The following TMPRSS6 variants were observed in gnomAD, a reference collection of about 807,000 sequenced individuals.
TMPRSS6 encodes transmembrane protease serine 6.
A neutral mutation model predicts 101.5 loss-of-function variants in TMPRSS6; 67 were observed. That is an observed-to-expected ratio of 0.66 (90% CI 0.54 to 0.81). TMPRSS6 has a LOEUF of 0.81. Among genes scored for constraint, TMPRSS6 ranks in the 30% least tolerant of loss-of-function variants. TMPRSS6 has a pLI of 0.00. For missense variants in TMPRSS6, 1,034 were observed against 1,088.7 expected (o/e 0.95, Z 0.71); for synonymous variants, 453 against 464.9 (o/e 0.97, Z 0.33).
rs755283441 is a variant in TMPRSS6, at chr22:37,075,174, C to T, written c.1303G>A (p.Gly435Ser). ...FTSQISLTGPGVRVHYGLYNQ... is the reference protein window; with the variant it reads ...FTSQISLTGPSVRVHYGLYNQ... ...TACAAGCCATAGTGCACCCGCACACCGGGCCCGGTGAGGGAGATCTGGGAG... is the reference window on the plus strand; with the variant it reads ...TACAAGCCATAGTGCACCCGCACACTGGGCCCGGTGAGGGAGATCTGGGAG... Residue 435 changes from glycine (G) to serine (S), a missense_variant, in exon 11 of 18, where the codon GGT (glycine) becomes AGT (serine). Gly to Ser is a moderately conservative substitution (Grantham distance 56, BLOSUM62 0). Transcript: ENST00000676104. The T allele has an allele frequency of 3.7e-6, 6 of 1,614,026 alleles. No homozygotes were observed. The highest frequency in any genetic ancestry group is 4.2e-6 in the Non-Finnish European group (5 of 1,180,038).
At position 37,065,931 on chromosome 22, in the gene TMPRSS6, A is replaced by C. The variant is rs1277903347; in HGVS notation, c.*149T>G. 5 of 1,003,314 alleles carry C rather than the reference A, an allele frequency of 5.0e-6. No individual in the cohort carries two copies. Among genetic ancestry groups the C allele is most frequent in the African/African-American group, 1.6e-5 (1 of 63,022 alleles). The allele number at this position is 1,003,314 out of a possible 1,614,324, so 62.2% of individuals were successfully genotyped here. On this transcript the variant is annotated 3_prime_UTR_variant, in exon 18 of 18. Transcript: ENST00000676104. ...TCCTCCTGCCATCACTGGAGCAGAC[A>C]TCAGGGACGAGACAAGATGCCACCT...
At chr22:37,071,981 G>C (rs1384472281) in intron 13 of TMPRSS6, among the ~76,000 whole-genome samples, 15 of 150,968 alleles carry the variant, frequency 9.9e-5, no homozygotes, top group African/African-American at 3.7e-4. Context: ...TGGATGGATG[G>C]ATGGATGGAT....
chr22:37,074,835 G>T, intron 11 of TMPRSS6, 127 bp from the exon 12 acceptor site: 1 of 997,756 alleles, frequency 1.0e-6, no homozygotes. Context: ...CCACAGACGT[G>T]GTCCTGGGCA....
At chr22:37,090,092 G>C (rs536773290) in intron 6 of TMPRSS6, among the ~76,000 whole-genome samples, 7 of 152,382 alleles carry the variant, frequency 4.6e-5, no homozygotes, top group Middle Eastern at 3.4e-3. Context: ...GACAGACACA[G>C]AACAGGCAAG....
At position 37,084,849 on chromosome 22, in the gene TMPRSS6, G is replaced by A. The variant is rs1044098683; in HGVS notation, c.974-10C>T. 1 of 1,550,118 alleles carries A rather than the reference G, an allele frequency of 6.5e-7. No homozygotes were observed. The highest frequency in any genetic ancestry group is 2.4e-5 in the East Asian group (1 of 40,988). On this transcript the variant is annotated splice_polypyrimidine_tract_variant and intron_variant, in intron 8 of 17. Transcript: ENST00000676104. ...AGGTTCACTTCACAGGCTGGACCAG[G>A]AGAGCAGCTGTTACACAGGGGTCCC... is the stretch of plus-strand genomic sequence containing the variant.
At chr22:37,100,023 A>C (rs1426314783) in intron 2 of TMPRSS6, among the ~76,000 whole-genome samples, 1 of 151,856 alleles carries the variant, frequency 6.6e-6, no homozygotes. Flanking sequence ...CTTGGAGTGC[A>C]ATGGCTCAAT....
At position 37,095,843 on chromosome 22, in the gene TMPRSS6, C is replaced by T. The variant is rs151135793; in HGVS notation, c.589+63G>A. 4.1e-4 allele frequency: 654 copies of T among 1,602,290 alleles called. 4 individuals are homozygous for T. The East Asian group carries it at 0.013, about 32-fold the overall frequency. ...CCTGGCAGGCAGCCTCCCCGGGCCA[C>T]ACCACAGCTTGTTTCCCCCAACCTC... is the stretch of plus-strand genomic sequence containing the variant. On this transcript the variant is annotated intron_variant, in intron 5 of 17. Transcript: ENST00000676104.
In TMPRSS6 at chr22:37,089,799, G is replaced by C. The variant is rs1483104526; in HGVS notation, c.632-17C>G. ...GGTAACAACCTGGAGCGGGGAGAGG[G>C]GCACAGCCCCTGATTCCTGTGAGCC... is the stretch of plus-strand genomic sequence containing the variant. On this transcript the variant is annotated splice_polypyrimidine_tract_variant and intron_variant, in intron 6 of 17. Transcript: ENST00000676104. The C allele has an allele frequency of 1.2e-6, 2 of 1,607,780 alleles. No homozygotes were observed. The highest frequency in any genetic ancestry group is 1.7e-5 in the Admixed American group (1 of 59,438).
chr22:37,096,300 C>T (rs1352779665), intron 4 of TMPRSS6, among the ~76,000 whole-genome samples: 1 of 152,230 alleles, frequency 6.6e-6, no homozygotes, highest in Admixed American at 6.5e-5. Flanking sequence ...GAACTTGTGT[C>T]TCATAAACTA....
At chr22:37,082,811 T>G in intron 10 of TMPRSS6, 1 of 368,874 alleles carries the variant, frequency 2.7e-6, no homozygotes, top group South Asian at 2.1e-5. Context: ...TCACTCCCCA[T>G]GTTACCCCCA....
intron 1 of TMPRSS6, among the ~76,000 whole-genome samples, chr22:37,105,644 G>C (rs192035153): frequency 6.6e-6 from 1 of 152,096 alleles, no homozygotes; most frequent in African/African-American, 2.4e-5. Context: ...CCCTCCCTCT[G>C]CCAGAGGAGG....
At chr22:37,073,769 CTTTATT>C (rs1927364478) in intron 12 of TMPRSS6, 124 bp from the exon 13 acceptor site, 2 of 745,736 alleles carry the variant, frequency 2.7e-6, no homozygotes, top group Admixed American at 1.9e-5. Context: ...TTCTCTGCTA[CTTTATT>C]TTTATGTCTC....
Position 37,086,296 on chromosome 22 carries a change from C to T in TMPRSS6, c.960G>A (p.Pro320=), listed in dbSNP as rs2543517. ...YYDPFVLSVQ[P]VVFQACEVNL... ...CTGACCTCTCACCCTGGAAGACCAC[C>T]GGCTGCACGGAGAGCACGAAGGGGT... The change falls in exon 8 of 18, where the codon CCG becomes CCA. Residue 320 remains proline (P), a synonymous_variant. Transcript: ENST00000676104. 263 of 1,614,134 alleles carry T rather than the reference C, an allele frequency of 1.6e-4. 2 individuals carry two copies. The African/African-American group carries it at 2.5e-3, about 16-fold the overall frequency.
At chr22:37,096,891 A>C (rs1420313038) in intron 3 of TMPRSS6, among the ~76,000 whole-genome samples, 176 bp from the exon 4 acceptor site, 1 of 152,072 alleles carries the variant, frequency 6.6e-6, no homozygotes, top group Non-Finnish European at 1.5e-5. Flanking sequence ...GGCATGCATG[A>C]ATCTCACACC....
chr22:37,107,618 C>G (rs4821588), intron 1 of TMPRSS6, among the ~76,000 whole-genome samples: 7 of 152,102 alleles, frequency 4.6e-5, no homozygotes, highest in Admixed American at 4.6e-4. Context: ...TCACCATGTG[C>G]CCTGCCCACA....
chr22:37,093,583 A>G (rs1173746860), intron 6 of TMPRSS6, among the ~76,000 whole-genome samples: 1 of 149,276 alleles, frequency 6.7e-6, no homozygotes, highest in Non-Finnish European at 1.5e-5. Context: ...TTATATTTTT[A>G]GAAGAGACGG....
intron 10 of TMPRSS6, 104 bp from the exon 11 acceptor site, chr22:37,075,384 C>A: frequency 6.7e-7 from 1 of 1,486,966 alleles, no homozygotes; most frequent in Non-Finnish European, 9.2e-7. Flanking sequence ...GGGAGCTGCA[C>A]GCCCGCTGTG....
chr22:37,095,676 G>A lies in TMPRSS6; in HGVS notation c.590-84C>T, dbSNP rs143197163. 2.4e-5 allele frequency: 34 copies of A among 1,392,518 alleles called. No homozygotes were observed. In the Middle Eastern group the frequency reaches 9.0e-4, roughly 37 times the overall value. 86.3% of individuals were successfully genotyped at this position (1,392,518 alleles called of 1,614,324 possible). On this transcript the variant is annotated intron_variant, in intron 5 of 17. Coordinates refer to ENST00000676104, the MANE Select transcript of TMPRSS6 (RefSeq NM_001374504.1). ...AAAATACAATGAAAATAAAATTAGAGGAGACCCTTGGAGCCAGCCTTGTCT... is the reference window on the plus strand; with the variant it reads ...AAAATACAATGAAAATAAAATTAGAAGAGACCCTTGGAGCCAGCCTTGTCT...
chr22:37,074,161 C>T (rs1162326022), intron 12 of TMPRSS6, among the ~76,000 whole-genome samples: 1 of 152,248 alleles, frequency 6.6e-6, no homozygotes, highest in Non-Finnish European at 1.5e-5. Flanking sequence ...TGAGCCAGAA[C>T]TTGAAGCCAG....
Sources: gnomAD v4.1 joint callset for allele counts (sites outside exome capture counted in the v4.1 genomes callset) on GRCh38, gnomAD v4.1.1 for gene constraint, MANE v1.5 for transcripts, NCBI Gene and HGNC (gene_info 2026-07-23, HGNC 2026-07-21) for gene names.